Variants in ZNF804A observed in about 807,000 individuals in gnomAD.
The protein encoded by ZNF804A is zinc finger protein 804A.
ZNF804A carries 2 observed loss-of-function variants against 16.5 expected under a neutral mutation model. The ratio of observed to expected loss-of-function variants is 0.12; its 90% CI spans 0.05 to 0.38. The LOEUF (loss-of-function observed/expected upper bound fraction) is 0.38, where lower values mean the gene tolerates loss of function less well. ZNF804A is among the 10% of genes least tolerant of loss of function. The probability of loss-of-function intolerance (pLI) is 0.99; values close to 1 mark genes in which losing one functional copy is unlikely to be tolerated. For missense variants in ZNF804A, 1,473 were observed against 1,390.7 expected (o/e 1.06, Z -0.94); for synonymous variants, 534 against 489.6 (o/e 1.09, Z -1.20).
chr2:184,614,323 T>TA (rs1691285953), intron 1 of ZNF804A, among the ~76,000 whole-genome samples: 1 of 151,910 alleles, frequency 6.6e-6, no homozygotes, highest in South Asian at 2.1e-4. Context: ...CCTAAAACCA[T>TA]AAAAAACCCT....
chr2:184,852,563 TTAGCA>T, intron 1 of ZNF804A, among the ~76,000 whole-genome samples: 1 of 151,476 alleles, frequency 6.6e-6, no homozygotes, highest in African/African-American at 2.4e-5. Flanking sequence ...TTTTTTGTTT[TTAGCA>T]GTTTTACAGT....
At chr2:184,766,396 A>G (rs951405988) in intron 1 of ZNF804A, among the ~76,000 whole-genome samples, 3 of 152,218 alleles carry the variant, frequency 2.0e-5, no homozygotes, top group African/African-American at 7.2e-5. Context: ...ATAAACAATC[A>G]TAGATATACC....
At chr2:184,730,183 A>G (rs1693489520) in intron 1 of ZNF804A, among the ~76,000 whole-genome samples, 1 of 152,062 alleles carries the variant, frequency 6.6e-6, no homozygotes, top group Non-Finnish European at 1.5e-5. Flanking sequence ...GATTATAAAG[A>G]CGATTTTCTT....
At chr2:184,887,269 T>G (rs1228809639) in intron 2 of ZNF804A, among the ~76,000 whole-genome samples, 2 of 152,214 alleles carry the variant, frequency 1.3e-5, no homozygotes, top group Admixed American at 1.3e-4. Flanking sequence ...CTCGTCTCCA[T>G]CTGAGATTAC....
chr2:184,715,158 A>T (rs1268050932), intron 1 of ZNF804A, among the ~76,000 whole-genome samples: 1 of 152,136 alleles, frequency 6.6e-6, no homozygotes, highest in Non-Finnish European at 1.5e-5. Context: ...AGGATTCAAG[A>T]TTCAAAATAG....
chr2:184,862,340 C>A (rs1695813819), intron 1 of ZNF804A, among the ~76,000 whole-genome samples: 1 of 152,146 alleles, frequency 6.6e-6, no homozygotes, highest in Non-Finnish European at 1.5e-5. Context: ...TGATCAGTAA[C>A]AATACATATG....
chr2:184,791,089 G>T (rs1304955684), intron 1 of ZNF804A, among the ~76,000 whole-genome samples: 1 of 152,096 alleles, frequency 6.6e-6, no homozygotes, highest in Non-Finnish European at 1.5e-5. Flanking sequence ...TGGGTCTCTT[G>T]TGGACAGCAG....
intron 1 of ZNF804A, among the ~76,000 whole-genome samples, chr2:184,850,519 A>T (rs1208745915): frequency 6.6e-6 from 1 of 151,738 alleles, no homozygotes; most frequent in Non-Finnish European, 1.5e-5. Flanking sequence ...AGAAGAGAAC[A>T]ATTTTCCCCT....
chr2:184,801,318 T>C (rs1694723567), intron 1 of ZNF804A, among the ~76,000 whole-genome samples: 1 of 152,174 alleles, frequency 6.6e-6, no homozygotes, highest in Admixed American at 6.5e-5. Context: ...AATTTCTGTA[T>C]CTGAGATTTG....
intron 1 of ZNF804A, among the ~76,000 whole-genome samples, chr2:184,665,153 G>A (rs993384789): frequency 3.9e-5 from 6 of 152,004 alleles, no homozygotes; most frequent in African/African-American, 1.4e-4. Context: ...AATACTGCAG[G>A]CAACACATTT....
intron 1 of ZNF804A, among the ~76,000 whole-genome samples, chr2:184,864,503 CAT>C (rs1268918359): frequency 2.6e-5 from 4 of 152,028 alleles, no homozygotes; most frequent in Non-Finnish European, 4.4e-5. Context: ...ACTAATAAAA[CAT>C]AACAATAGAT....
Position 184,766,643 on chromosome 2 carries a change from A to G in ZNF804A, c.112-99726A>G, listed in dbSNP as rs898286741. ...TGGTGGTTGCTCAAAAAAAAAAAAA[A>G]AGAGAATTACCTTACAATCCAACAG... On this transcript the variant is annotated intron_variant, in intron 1 of 3. Transcript: ENST00000302277. Among the ~76,000 whole-genome samples, 5 of 152,104 alleles carry G rather than the reference A, an allele frequency of 3.3e-5. No homozygotes were observed. In the East Asian group the frequency reaches 5.8e-4, roughly 18 times the overall value.
At chr2:184,933,874 T>A (rs1685744133) in intron 3 of ZNF804A, 141 bp downstream of exon 3, 5 of 771,640 alleles carry the variant, frequency 6.5e-6, no homozygotes, top group Admixed American at 4.1e-5. Context: ...TTCTGTAGGC[T>A]GTAAACAGTA....
intron 1 of ZNF804A, among the ~76,000 whole-genome samples, chr2:184,628,897 A>G (rs370884705): frequency 6.6e-6 from 1 of 152,190 alleles, no homozygotes; most frequent in Admixed American, 6.5e-5. Flanking sequence ...GTATTCACAT[A>G]CCAAATAATA....
Position 184,812,404 on chromosome 2 carries a change from C to T in ZNF804A, c.112-53965C>T, listed in dbSNP as rs187222049. 2.4e-3 allele frequency among the ~76,000 whole-genome samples: 368 copies of T among 152,112 alleles called. 2 individuals carry two copies. Among genetic ancestry groups the T allele is most frequent in the African/African-American group, 8.4e-3 (347 of 41,504 alleles). On this transcript the variant is annotated intron_variant, in intron 1 of 3. Coordinates refer to ENST00000302277, the MANE Select transcript of ZNF804A (RefSeq NM_194250.2). ...TTCCTTACAGTTTCTTTCCCTTTCC[C>T]CTTAATAGTTTCGGTGAAGATAAAG...
chr2:184,896,141 T>C (rs1205142263), intron 2 of ZNF804A, among the ~76,000 whole-genome samples: 2 of 146,376 alleles, frequency 1.4e-5, no homozygotes. Context: ...CAAGCCAGAC[T>C]CACACAAAAC....
At chr2:184,803,096 G>C (rs1047062385) in intron 1 of ZNF804A, among the ~76,000 whole-genome samples, 4 of 152,148 alleles carry the variant, frequency 2.6e-5, no homozygotes, top group Admixed American at 6.5e-5. Flanking sequence ...ATTAATATTT[G>C]CTATTATAAC....
intron 2 of ZNF804A, among the ~76,000 whole-genome samples, chr2:184,894,648 A>G (rs1033669129): frequency 6.6e-6 from 1 of 152,100 alleles, no homozygotes; most frequent in Non-Finnish European, 1.5e-5. Context: ...TTAAGCGAAT[A>G]TACTTATCTT....
chr2:184,616,406 C>T (rs1281934444), intron 1 of ZNF804A, among the ~76,000 whole-genome samples: 5 of 152,086 alleles, frequency 3.3e-5, no homozygotes, highest in Non-Finnish European at 7.4e-5. Context: ...TACTGAAATG[C>T]TCTAAGATGC....
Sources: gnomAD v4.1 joint callset for allele counts (sites outside exome capture counted in the v4.1 genomes callset) on GRCh38, gnomAD v4.1.1 for gene constraint, MANE v1.5 for transcripts, NCBI Gene and HGNC (gene_info 2026-07-23, HGNC 2026-07-21) for gene names.